Variants in VTI1A observed in about 807,000 individuals in gnomAD.
VTI1A encodes vesicle transport through interaction with t-SNAREs 1A.
VTI1A carries 22 observed loss-of-function variants against 34.9 expected under a neutral mutation model. The observed-to-expected ratio is 0.63, with a 90% CI of 0.45 to 0.90. The LOEUF is 0.90. Among genes scored for constraint, VTI1A ranks in the 40% least tolerant of loss-of-function variants. VTI1A has a pLI of 0.00. For missense variants in VTI1A, 268 were observed against 275.6 expected (o/e 0.97, Z 0.20); for synonymous variants, 87 against 97.3 (o/e 0.89, Z 0.62).
chr10:112,838,597 G>A, the VTI1A span, among the ~76,000 whole-genome samples: 51 of 152,208 alleles, frequency 3.4e-4, 1 homozygote, highest in South Asian at 8.3e-3. Flanking sequence ...TAGGCAGGAC[G>A]GGAAGGAACT....
rs566059382 is a variant in VTI1A, at chr10:112,516,752, A to G, written c.265-10335A>G. The stretch of plus-strand genomic sequence containing the variant: ...TAGATATTCTGAAAAATAAGGGTTT[A>G]ATTCATAGGGCCTGCTGATTGATTG... On this transcript the variant is annotated intron_variant, in intron 3 of 7. Coordinates refer to ENST00000393077, the MANE Select transcript of VTI1A (RefSeq NM_145206.4). Among the ~76,000 whole-genome samples, 49 of 152,216 alleles carry G rather than the reference A, an allele frequency of 3.2e-4. 2 individuals carry two copies. The South Asian group carries it at 1.0e-2, about 31-fold the overall frequency.
At chr10:112,537,128 A>G (rs1850657992) in intron 4 of VTI1A, among the ~76,000 whole-genome samples, 1 of 151,782 alleles carries the variant, frequency 6.6e-6, no homozygotes, top group Non-Finnish European at 1.5e-5. Flanking sequence ...CTCCAATTTT[A>G]AATGACATCT....
At chr10:112,561,963 C>T (rs1412392691) in intron 5 of VTI1A, among the ~76,000 whole-genome samples, 1 of 152,166 alleles carries the variant, frequency 6.6e-6, no homozygotes, top group Non-Finnish European at 1.5e-5. Flanking sequence ...AACTCTTTTA[C>T]CAGAATTTAC....
chr10:112,797,893 T>TCTGAG, intron 7 of VTI1A, among the ~76,000 whole-genome samples: 1 of 152,320 alleles, frequency 6.6e-6, no homozygotes, highest in East Asian at 1.9e-4. Flanking sequence ...CAGATTTCTC[T>TCTGAG]CTGAGCGTTC....
intron 5 of VTI1A, among the ~76,000 whole-genome samples, chr10:112,650,743 G>C (rs1305559952): frequency 6.6e-6 from 1 of 152,172 alleles, no homozygotes; most frequent in Non-Finnish European, 1.5e-5. Flanking sequence ...TGGGGCCACT[G>C]TCCTATACGT....
At chr10:112,670,314 ATCAT>A (rs1236038719) in intron 7 of VTI1A, among the ~76,000 whole-genome samples, 2 of 152,128 alleles carry the variant, frequency 1.3e-5, no homozygotes, top group African/African-American at 4.8e-5. Flanking sequence ...CTGTCCAGAA[ATCAT>A]TCATCATTTT....
At chr10:112,746,066 T>C (rs2133983956) in intron 7 of VTI1A, among the ~76,000 whole-genome samples, 1 of 152,328 alleles carries the variant, frequency 6.6e-6, no homozygotes, top group South Asian at 2.1e-4. Context: ...ACAGAAAAAA[T>C]GGACATCTAA....
chr10:112,769,455 A>G (rs545752580), intron 7 of VTI1A, among the ~76,000 whole-genome samples: 1 of 152,322 alleles, frequency 6.6e-6, no homozygotes, highest in African/African-American at 2.4e-5. Flanking sequence ...TCCATTTGGA[A>G]TATTAGATGA....
intron 3 of VTI1A, among the ~76,000 whole-genome samples, chr10:112,496,059 C>A (rs989588382): frequency 1.3e-5 from 2 of 151,932 alleles, no homozygotes; most frequent in African/African-American, 4.8e-5. Context: ...TCAGCAAATC[C>A]CTTTAAAGCC....
chr10:112,488,041 A>T (rs1331358159), intron 3 of VTI1A, among the ~76,000 whole-genome samples: 4 of 152,182 alleles, frequency 2.6e-5, no homozygotes, highest in Non-Finnish European at 5.9e-5. Flanking sequence ...ATTGGGTCAC[A>T]TTTCATCATG....
intron 7 of VTI1A, among the ~76,000 whole-genome samples, chr10:112,702,957 A>G (rs565027790): frequency 1.3e-5 from 2 of 152,292 alleles, no homozygotes; most frequent in South Asian, 4.1e-4. Context: ...GTATTAACTA[A>G]TTGGGCCTCC....
intron 5 of VTI1A, among the ~76,000 whole-genome samples, chr10:112,545,653 G>T (rs1329339624): frequency 2.0e-5 from 3 of 152,210 alleles, no homozygotes; most frequent in Non-Finnish European, 4.4e-5. Context: ...TGTTAAAAAT[G>T]CAGGGTCTTG....
chr10:112,649,742 A>G (rs558676574), intron 5 of VTI1A, among the ~76,000 whole-genome samples: 1 of 152,330 alleles, frequency 6.6e-6, no homozygotes, highest in East Asian at 1.9e-4. Flanking sequence ...CACCTAATGT[A>G]ATGGTCTAGC....
intron 7 of VTI1A, among the ~76,000 whole-genome samples, chr10:112,787,370 A>G (rs1852318614): frequency 6.6e-6 from 1 of 151,578 alleles, no homozygotes; most frequent in Non-Finnish European, 1.5e-5. Flanking sequence ...ATTTTTCTCT[A>G]TTATTTTCTA....
chr10:112,785,460 G>A, intron 7 of VTI1A, among the ~76,000 whole-genome samples: 1 of 152,014 alleles, frequency 6.6e-6, no homozygotes. Flanking sequence ...TCTATGGCTT[G>A]TCTTTTTATT....
chr10:112,651,790 A>G (rs1413743469), intron 5 of VTI1A, among the ~76,000 whole-genome samples: 2 of 152,246 alleles, frequency 1.3e-5, no homozygotes, highest in Admixed American at 1.3e-4. Context: ...TTCTAAGGAT[A>G]GTTCCTCCAG....
At chr10:112,579,807 A>T (rs571519298) in intron 5 of VTI1A, among the ~76,000 whole-genome samples, 1 of 152,204 alleles carries the variant, frequency 6.6e-6, no homozygotes, top group African/African-American at 2.4e-5. Context: ...GAATTTGCAG[A>T]TAACTCTGGG....
chr10:112,819,591 A>G (rs1374991719), downstream of VTI1A, among the ~76,000 whole-genome samples: 1 of 152,118 alleles, frequency 6.6e-6, no homozygotes, highest in African/African-American at 2.4e-5. Context: ...CTCATTACAA[A>G]CAGCGCTTCC....
chr10:112,551,286 A>AT (rs897897884), intron 5 of VTI1A, among the ~76,000 whole-genome samples: 67 of 141,928 alleles, frequency 4.7e-4, no homozygotes, highest in African/African-American at 1.3e-3. Context: ...CAATGGAGCT[A>AT]TTTTTTTTTA....
Sources: allele counts gnomAD v4.1 joint callset (sites outside exome capture counted in the v4.1 genomes callset), GRCh38; gene constraint gnomAD v4.1.1; transcripts MANE v1.5; gene names NCBI Gene and HGNC (gene_info 2026-07-23, HGNC 2026-07-21).